The following RIC1 variants were observed in gnomAD, a reference collection of about 807,000 sequenced individuals.
RIC1 encodes guanine nucleotide exchange factor subunit RIC1.
In RIC1, 88 loss-of-function variants were observed where a neutral mutation model predicts 169.0. That is an observed-to-expected ratio of 0.52 (90% CI 0.44 to 0.62). The LOEUF (loss-of-function observed/expected upper bound fraction) is 0.62. Ranked by LOEUF, RIC1 falls within the 20% of genes least tolerant of loss-of-function variation. The pLI, the probability that RIC1 is intolerant of heterozygous loss-of-function variation, is 0.00. For missense variants in RIC1, 1,877 were observed against 1,725.5 expected (o/e 1.09, Z -1.56); for synonymous variants, 790 against 601.5 (o/e 1.31, Z -4.59).
chr9:5,764,504 C>G (rs1010263370), intron 19 of RIC1, among the ~76,000 whole-genome samples: 1 of 152,196 alleles, frequency 6.6e-6, no homozygotes, highest in Non-Finnish European at 1.5e-5. Flanking sequence ...ATTTGATAGG[C>G]TACACTTAAA....
At chr9:5,710,549 C>A (rs1434559316) in intron 3 of RIC1, among the ~76,000 whole-genome samples, 1 of 152,140 alleles carries the variant, frequency 6.6e-6, no homozygotes, top group Non-Finnish European at 1.5e-5. Flanking sequence ...TGACAGCCTG[C>A]AGACACGTAG....
intron 6 of RIC1, among the ~76,000 whole-genome samples, chr9:5,721,027 A>C (rs966611477): frequency 6.6e-6 from 1 of 152,074 alleles, no homozygotes; most frequent in Non-Finnish European, 1.5e-5. Flanking sequence ...TTTGATTTTT[A>C]ATCTCCACTA....
chr9:5,682,488 T>C (rs1003568042), intron 2 of RIC1, among the ~76,000 whole-genome samples: 1 of 152,176 alleles, frequency 6.6e-6, no homozygotes, highest in Non-Finnish European at 1.5e-5. Flanking sequence ...ATATTGGCCC[T>C]CACTCTCTTC....
chr9:5,631,987 C>T (rs1817736250), intron 1 of RIC1, among the ~76,000 whole-genome samples: 1 of 152,134 alleles, frequency 6.6e-6, no homozygotes, highest in Admixed American at 6.5e-5. Flanking sequence ...AAAAAGTTCT[C>T]ATGGAGCTGC....
At chr9:5,670,063 C>G in intron 2 of RIC1, among the ~76,000 whole-genome samples, 1 of 152,222 alleles carries the variant, frequency 6.6e-6, no homozygotes, top group Non-Finnish European at 1.5e-5. Flanking sequence ...TGAGGCACAT[C>G]AGGTCTCCAG....
intron 2 of RIC1, among the ~76,000 whole-genome samples, chr9:5,671,293 G>C (rs1318214585): frequency 5.5e-5 from 8 of 145,210 alleles, no homozygotes; most frequent in Admixed American, 6.9e-5. Context: ...TTTTTGAGAC[G>C]GCATCTTGCT....
intron 10 of RIC1, among the ~76,000 whole-genome samples, chr9:5,745,628 A>G (rs1825331190): frequency 1.3e-5 from 2 of 152,164 alleles, no homozygotes; most frequent in African/African-American, 2.4e-5. Flanking sequence ...AAATTAAAGC[A>G]ATAGAGAAGT....
At chr9:5,710,575 T>A (rs1384419364) in intron 3 of RIC1, among the ~76,000 whole-genome samples, 2 of 152,328 alleles carry the variant, frequency 1.3e-5, no homozygotes, top group East Asian at 3.9e-4. Flanking sequence ...TTTTTATTGT[T>A]AACCTCTAAA....
At chr9:5,757,163 C>G (rs1404250995) in intron 16 of RIC1, 150 bp from the exon 17 acceptor site, 36 of 890,876 alleles carry the variant, frequency 4.0e-5, no homozygotes, top group Admixed American at 1.3e-4. Flanking sequence ...TGCCAACTTC[C>G]TGATCGAAGG....
At chr9:5,761,575 T>G (rs1010895251) in intron 17 of RIC1, among the ~76,000 whole-genome samples, 2 of 152,206 alleles carry the variant, frequency 1.3e-5, no homozygotes. Flanking sequence ...CTTCCCTAAT[T>G]TCTCTTCCTG....
intron 1 of RIC1, among the ~76,000 whole-genome samples, chr9:5,646,356 T>C (rs1200213617): frequency 1.3e-5 from 2 of 152,182 alleles, no homozygotes; most frequent in Non-Finnish European, 2.9e-5. Context: ...CTCCATGTAA[T>C]GGCAGTTTGA....
Position 5,770,157 on chromosome 9 carries a change from C to T in RIC1, c.3495C>T (p.Ser1165=). ...FLNLEMDAGI[S]NIQRSQSWLS... is the part of the protein sequence containing the mutation. Reference sequence around the variant, plus strand: ...ACCTTGAGATGGATGCTGGCATCTCCAACATCCAGCGAAGTCAGAGCTGGC... The same window carrying T: ...ACCTTGAGATGGATGCTGGCATCTCTAACATCCAGCGAAGTCAGAGCTGGC... The change falls in exon 23 of 26, where the codon TCC becomes TCT. Residue 1165 remains serine (S), a synonymous_variant. Transcript: ENST00000414202. The T allele has an allele frequency of 6.2e-7, 1 of 1,613,908 alleles. No homozygotes were observed. The highest frequency in any genetic ancestry group is 8.5e-7 in the Non-Finnish European group (1 of 1,179,870).
chr9:5,655,548 A>C (rs905028493), intron 1 of RIC1, among the ~76,000 whole-genome samples: 5 of 151,952 alleles, frequency 3.3e-5, no homozygotes, highest in Admixed American at 6.6e-5. Flanking sequence ...TGATCTGCCA[A>C]CCTCAGCCTC....
rs764631850 is a variant in RIC1 at position 5,770,256 on chromosome 9, C to T, written c.3594C>T (p.Phe1198=). 33 of 1,612,978 alleles carry T rather than the reference C, an allele frequency of 2.0e-5. No homozygotes were observed. The Admixed American group carries it at 5.5e-4, about 27-fold the overall frequency. ...SSHGPQMQDA[F]LSPLSNKGDE... ...ATGGACCACAAATGCAAGATGCCTT[C>T]TTGTCACCTTTATCTAATAAAGGTA... The change falls in exon 23 of 26, where the codon TTC becomes TTT. Residue 1198 remains phenylalanine, a synonymous_variant. Transcript: ENST00000414202.
intron 1 of RIC1, among the ~76,000 whole-genome samples, chr9:5,637,911 T>C (rs1586859735): frequency 6.6e-6 from 1 of 152,320 alleles, no homozygotes; most frequent in South Asian, 2.1e-4. Flanking sequence ...AAGGTGGGCA[T>C]CTTTGTCGTG....
chr9:5,638,175 C>T (rs895779325), intron 1 of RIC1, among the ~76,000 whole-genome samples: 8 of 152,134 alleles, frequency 5.3e-5, no homozygotes, highest in Non-Finnish European at 1.2e-4. Context: ...TTGAACCATC[C>T]TTGCATCCCT....
chr9:5,663,663 G>C (rs567591360), intron 2 of RIC1, among the ~76,000 whole-genome samples: 2 of 152,194 alleles, frequency 1.3e-5, no homozygotes, highest in East Asian at 3.9e-4. Context: ...CATTTGCTTG[G>C]TAAATTTTCC....
chr9:5,708,268 GT>G (rs1586988823), intron 3 of RIC1, among the ~76,000 whole-genome samples: 1 of 151,914 alleles, frequency 6.6e-6, no homozygotes, highest in East Asian at 1.9e-4. Context: ...TATAATTACT[GT>G]TTTATGCACT....
intron 10 of RIC1, among the ~76,000 whole-genome samples, chr9:5,745,011 C>A (rs561354209): frequency 3.9e-5 from 6 of 152,254 alleles, no homozygotes; most frequent in Admixed American, 2.0e-4. Context: ...CCCAAACTTT[C>A]ACCACCAAGG....
Sources: gnomAD v4.1 joint callset for allele counts (sites outside exome capture counted in the v4.1 genomes callset) on GRCh38, gnomAD v4.1.1 for gene constraint, MANE v1.5 for transcripts, NCBI Gene and HGNC (gene_info 2026-07-23, HGNC 2026-07-21) for gene names.